Variants in RBMS3 observed in about 807,000 individuals in gnomAD.
RBMS3 encodes the protein RNA binding motif single stranded interacting protein 3.
A neutral mutation model predicts 66.8 loss-of-function variants in RBMS3; 27 were observed. The ratio of observed to expected loss-of-function variants is 0.40; its 90% CI spans 0.30 to 0.56. The LOEUF is 0.56. Ranked by LOEUF, RBMS3 falls within the 20% of genes least tolerant of loss-of-function variation. The probability of loss-of-function intolerance (pLI) is 0.40; values close to 1 mark genes in which losing one functional copy is unlikely to be tolerated. For synonymous variants in RBMS3, 188 were observed against 183.0 expected (o/e 1.03, Z -0.22); for missense variants, 513 against 549.5 (o/e 0.93, Z 0.66).
chr3:29,797,092 A>G (rs1412121109), intron 6 of RBMS3, among the ~76,000 whole-genome samples: 1 of 152,110 alleles, frequency 6.6e-6, no homozygotes, highest in Non-Finnish European at 1.5e-5. Context: ...GAGGCCAGGC[A>G]TTGTCTTCTC....
intron 6 of RBMS3, among the ~76,000 whole-genome samples, chr3:29,815,105 C>T (rs552883642): frequency 6.6e-6 from 1 of 152,268 alleles, no homozygotes; most frequent in South Asian, 2.1e-4. Context: ...TTTTCTTTCT[C>T]CCTAACACAC....
rs115222137 is a variant in RBMS3 at position 29,426,930 on chromosome 3, C to T, written c.76-7813C>T. Among the ~76,000 whole-genome samples, 420 of 152,320 alleles carry T rather than the reference C, an allele frequency of 2.8e-3. 2 individuals carry two copies. The highest frequency in any genetic ancestry group is 9.5e-3 in the African/African-American group (395 of 41,578). On this transcript the variant is annotated intron_variant, in intron 1 of 14. Coordinates refer to ENST00000383767, the MANE Select transcript of RBMS3 (RefSeq NM_001003793.3). ...TTATACATTTTAGCTTCACAACACT[C>T]CAATGAAGTGAAATAATCATAATTC...
chr3:29,449,719 CT>C, intron 2 of RBMS3, among the ~76,000 whole-genome samples: 1 of 152,334 alleles, frequency 6.6e-6, no homozygotes, highest in African/African-American at 2.4e-5. Context: ...CGTTTTAACG[CT>C]AAAAGAGCCA....
chr3:29,442,644 A>T (rs1427591153), intron 2 of RBMS3, among the ~76,000 whole-genome samples: 4 of 152,114 alleles, frequency 2.6e-5, no homozygotes, highest in Admixed American at 2.6e-4. Flanking sequence ...GAATGCCTGA[A>T]AATTTGAGGG....
intron 3 of RBMS3, among the ~76,000 whole-genome samples, chr3:29,537,822 C>CA (rs1195812359): frequency 0.11 from 8,082 of 70,564 alleles, 514 homozygotes; most frequent in African/African-American, 0.25. Flanking sequence ...GACTCCACCT[C>CA]AAAAAAAAAA....
intron 6 of RBMS3, among the ~76,000 whole-genome samples, chr3:29,763,929 T>A (rs976013273): frequency 5.9e-5 from 9 of 152,094 alleles, no homozygotes; most frequent in Admixed American, 5.9e-4. Context: ...TCTTACAATA[T>A]GTGACTTTAA....
At chr3:29,868,757 A>T in intron 6 of RBMS3, 101 bp from the exon 7 acceptor site, 1 of 1,003,954 alleles carries the variant, frequency 1.0e-6, no homozygotes, top group Non-Finnish European at 1.5e-6. Flanking sequence ...GCAAGATGTT[A>T]CTTCAAAAGA....
intron 1 of RBMS3, among the ~76,000 whole-genome samples, chr3:29,338,627 T>C (rs1488335254): frequency 1.3e-5 from 2 of 151,588 alleles, no homozygotes; most frequent in Non-Finnish European, 2.9e-5. Flanking sequence ...TGTGAGTTAC[T>C]GGTCTACTGG....
At chr3:29,546,491 T>G (rs916446627) in intron 3 of RBMS3, among the ~76,000 whole-genome samples, 1 of 152,138 alleles carries the variant, frequency 6.6e-6, no homozygotes. Context: ...GCAAAAAAGT[T>G]TGTGCTGTAC....
At chr3:29,970,890 C>G (rs1277158491) in intron 12 of RBMS3, among the ~76,000 whole-genome samples, 1 of 152,182 alleles carries the variant, frequency 6.6e-6, no homozygotes, top group Non-Finnish European at 1.5e-5. Flanking sequence ...AGCTACATCT[C>G]TGTGGTTTAA....
chr3:29,739,658 C>G, intron 4 of RBMS3, 62 bp from the exon 5 acceptor site: 1 of 1,391,470 alleles, frequency 7.2e-7, no homozygotes, highest in Non-Finnish European at 9.6e-7. Context: ...AAAAGTTTCT[C>G]TATTTGTACA....
intron 6 of RBMS3, among the ~76,000 whole-genome samples, chr3:29,858,176 A>G (rs1426636028): frequency 6.6e-6 from 1 of 152,182 alleles, no homozygotes; most frequent in Non-Finnish European, 1.5e-5. Flanking sequence ...GTTTGAATTT[A>G]CTAATTTTTT....
At position 29,488,595 on chromosome 3, in the gene RBMS3, T is replaced by C. The variant is rs139029041; in HGVS notation, c.307+96T>C. The stretch of plus-strand genomic sequence containing the variant: ...GGTCCAGGTACCAGCTGCACAATGA[T>C]CACAATGCATAGTATGGAAAACCTC... On this transcript the variant is annotated intron_variant, in intron 3 of 14. Coordinates refer to ENST00000383767, the MANE Select transcript of RBMS3 (RefSeq NM_001003793.3). The C allele has an allele frequency of 1.2e-3, 1,284 of 1,091,722 alleles. 10 individuals are homozygous for C. In the African/African-American group the frequency reaches 0.017, roughly 15 times the overall value. 67.6% of individuals were successfully genotyped at this position (1,091,722 alleles called of 1,614,324 possible). A position where few individuals can be genotyped will look rare whatever the true frequency, so the allele number is the denominator to read the frequency against.
At chr3:29,570,231 T>C (rs1460483902) in intron 3 of RBMS3, among the ~76,000 whole-genome samples, 2 of 152,110 alleles carry the variant, frequency 1.3e-5, no homozygotes, top group Non-Finnish European at 1.5e-5. Context: ...TTATGAGGTA[T>C]AGGAGATATT....
At chr3:29,463,451 A>G (rs2042434427) in intron 2 of RBMS3, among the ~76,000 whole-genome samples, 1 of 152,270 alleles carries the variant, frequency 6.6e-6, no homozygotes, top group South Asian at 2.1e-4. Context: ...CATTCTTCAG[A>G]GACAAGGTAT....
intron 3 of RBMS3, among the ~76,000 whole-genome samples, chr3:29,581,137 T>C (rs891980843): frequency 3.3e-5 from 5 of 152,186 alleles, no homozygotes; most frequent in Admixed American, 2.0e-4. Flanking sequence ...AGGTAGACCA[T>C]ATGGCTATCA....
chr3:29,861,646 T>C (rs1010346380), intron 6 of RBMS3, among the ~76,000 whole-genome samples: 12 of 152,206 alleles, frequency 7.9e-5, no homozygotes, highest in African/African-American at 2.7e-4. Context: ...AAATACATTC[T>C]CATACCTTAA....
At chr3:29,913,156 G>A (rs149127438) in intron 10 of RBMS3, among the ~76,000 whole-genome samples, 7 of 152,082 alleles carry the variant, frequency 4.6e-5, no homozygotes, top group East Asian at 3.9e-4. Flanking sequence ...AATGTACTCC[G>A]TGGCAGCAAA....
chr3:29,991,061 T>C (rs1397543996), intron 13 of RBMS3, 21 bp from the exon 14 acceptor site: 8 of 1,611,702 alleles, frequency 5.0e-6, no homozygotes, highest in Non-Finnish European at 6.8e-6. Context: ...AAGGCTTTTA[T>C]GTTCTTATTT....
Sources: gnomAD v4.1 joint callset for allele counts (sites outside exome capture counted in the v4.1 genomes callset) on GRCh38, gnomAD v4.1.1 for gene constraint, MANE v1.5 for transcripts, NCBI Gene and HGNC (gene_info 2026-07-23, HGNC 2026-07-21) for gene names.